Variants in NUP98 observed in about 807,000 individuals in gnomAD.
NUP98 encodes the protein nuclear pore complex protein Nup98-Nup96.
A neutral mutation model predicts 191.9 loss-of-function variants in NUP98; 26 were observed. That is an observed-to-expected ratio of 0.14 (90% CI 0.10 to 0.19). The LOEUF is 0.19. NUP98 is among the 10% of genes least tolerant of loss of function. The pLI, the probability that NUP98 is intolerant of heterozygous loss-of-function variation, is 1.00. For missense variants in NUP98, 1,941 were observed against 2,178.8 expected, an observed-to-expected ratio of 0.89 and a Z score of 2.17; for synonymous variants, 808 against 778.4, an observed-to-expected ratio of 1.04 and a Z score of -0.63.
At chr11:3,783,278 C>T (rs147539989) in intron 1 of NUP98, among the ~76,000 whole-genome samples, 72 of 152,086 alleles carry the variant, frequency 4.7e-4, no homozygotes, top group African/African-American at 1.7e-3. Flanking sequence ...GTCCCAGCTA[C>T]TCTGTTGGCT....
chr11:3,779,734 C>G (rs2081887417), intron 2 of NUP98, among the ~76,000 whole-genome samples: 1 of 151,908 alleles, frequency 6.6e-6, no homozygotes, highest in African/African-American at 2.4e-5. Flanking sequence ...AGAGTAAAAA[C>G]CAAGCCACAG....
At chr11:3,701,859 T>C (rs1213495533) in intron 23 of NUP98, among the ~76,000 whole-genome samples, 1 of 151,950 alleles carries the variant, frequency 6.6e-6, no homozygotes, top group East Asian at 1.9e-4. Flanking sequence ...CTAATTTTTT[T>C]TGTATTTTTA....
chr11:3,759,904 C>T (rs1241587445), intron 10 of NUP98, among the ~76,000 whole-genome samples: 1 of 151,884 alleles, frequency 6.6e-6, no homozygotes, highest in East Asian at 1.9e-4. Context: ...AGTGGCAATT[C>T]ACAAGTGTGA....
chr11:3,735,045 C>T, intron 13 of NUP98, 146 bp downstream of exon 13: 2 of 674,642 alleles, frequency 3.0e-6, no homozygotes, highest in Non-Finnish European at 4.4e-6. Flanking sequence ...ATAATTTACT[C>T]CCGGCTGAGT....
At chr11:3,794,590 G>A (rs1325455410) in intron 1 of NUP98, among the ~76,000 whole-genome samples, 1 of 151,468 alleles carries the variant, frequency 6.6e-6, no homozygotes, top group Non-Finnish European at 1.5e-5. Context: ...GCCTCCCAAA[G>A]TGCTAGGATT....
At chr11:3,720,942 A>G in intron 16 of NUP98, 117 bp from the exon 17 acceptor site, 1 of 585,606 alleles carries the variant, frequency 1.7e-6, no homozygotes. Flanking sequence ...CTACTTTTCT[A>G]CCAAACATGA....
intron 14 of NUP98, among the ~76,000 whole-genome samples, chr11:3,726,680 TA>T (rs1418680029): frequency 9.2e-5 from 14 of 152,076 alleles, no homozygotes; most frequent in African/African-American, 3.1e-4. Context: ...AACTCTTAAA[TA>T]CTTTTTCCCC....
At chr11:3,718,283 C>A (rs1416808535) in intron 18 of NUP98, among the ~76,000 whole-genome samples, 1 of 152,218 alleles carries the variant, frequency 6.6e-6, no homozygotes, top group Middle Eastern at 3.4e-3. Context: ...TGCTTGTAAT[C>A]CCAGCACTTT....
In NUP98 at chr11:3,772,030, T is replaced by TA. The variant is rs773254029; in HGVS notation, c.604-103dup. ...TTAGTATTCAAGTTCTATGTTCACA[T>TA]AGGAACCATAACTAAAAAAGAGAAA... On this transcript the variant is annotated intron_variant, in intron 6 of 32. Transcript: ENST00000324932. 2.6e-3 allele frequency: 2,437 copies of TA among 947,696 alleles called. 7 individuals carry two copies. Among genetic ancestry groups the TA allele is most frequent in the Non-Finnish European group, 3.4e-3 (2,143 of 638,026 alleles). The allele number at this position is 947,696 out of a possible 1,614,324, so 58.7% of individuals were successfully genotyped here. A position where few individuals can be genotyped will look rare whatever the true frequency, so the allele number is the denominator to read the frequency against.
rs192222757 is a variant in NUP98, at chr11:3,745,799, G to A, written c.1268-1150C>T. ...TCAACTGCATCTTGAAACAAATACC[G>A]TTTACCAGGAAAATCACTTCAAAGA... On this transcript the variant is annotated intron_variant, in intron 11 of 32. Coordinates refer to ENST00000324932, the MANE Select transcript of NUP98 (RefSeq NM_016320.5). 1.2e-3 allele frequency among the ~76,000 whole-genome samples: 178 copies of A among 152,032 alleles called. 1 individual carries two copies. Among genetic ancestry groups the A allele is most frequent in the Non-Finnish European group, 2.6e-4 (18 of 67,982 alleles).
At chr11:3,752,031 C>T (rs186222139) in intron 11 of NUP98, among the ~76,000 whole-genome samples, 22 of 150,494 alleles carry the variant, frequency 1.5e-4, no homozygotes, top group Non-Finnish European at 2.4e-4. Context: ...CAAAAATTAG[C>T]TGGGTACGGT....
chr11:3,679,826 T>A, intron 30 of NUP98, 118 bp from the exon 31 acceptor site: 1 of 905,188 alleles, frequency 1.1e-6, no homozygotes, highest in Non-Finnish European at 1.6e-6. Context: ...ACTTCAGAAG[T>A]AAAAGCACAT....
chr11:3,790,418 T>C (rs1046756270), intron 1 of NUP98, among the ~76,000 whole-genome samples: 1 of 152,222 alleles, frequency 6.6e-6, no homozygotes, highest in Non-Finnish European at 1.5e-5. Flanking sequence ...AATATTGTTC[T>C]AGATTAGTGG....
intron 11 of NUP98, among the ~76,000 whole-genome samples, chr11:3,749,233 G>T (rs1158027078): frequency 6.6e-6 from 1 of 151,298 alleles, no homozygotes; most frequent in African/African-American, 2.4e-5. Context: ...GCGTGAACCC[G>T]GGAAGCGGAG....
At chr11:3,707,513 C>G (rs575829695) in intron 20 of NUP98, among the ~76,000 whole-genome samples, 4 of 150,996 alleles carry the variant, frequency 2.6e-5, no homozygotes, top group African/African-American at 9.7e-5. Context: ...TTTGGGAGGC[C>G]GAGGTGGGCA....
At chr11:3,765,591 G>T (rs956277563) in intron 8 of NUP98, among the ~76,000 whole-genome samples, 12 of 151,950 alleles carry the variant, frequency 7.9e-5, no homozygotes, top group African/African-American at 2.9e-4. Flanking sequence ...TTTGAGGTCA[G>T]GTGTTCAAGA....
chr11:3,723,048 T>C lies in NUP98; in HGVS notation c.2146+109A>G, dbSNP rs1030018004. The C allele has an allele frequency of 1.5e-5, 15 of 1,010,834 alleles. No individual in the cohort carries two copies. The African/African-American group carries it at 2.3e-4, about 15-fold the overall frequency. The allele number at this position is 1,010,834 out of a possible 1,614,324, so 62.6% of individuals were successfully genotyped here. A position where few individuals can be genotyped will look rare whatever the true frequency, so the allele number is the denominator to read the frequency against. ...CTCTCCTATGTGGGATCACATAAAA[T>C]AATACTTAAAATGCCAAACAGCTGA... On this transcript the variant is annotated intron_variant, in intron 16 of 32. Transcript: ENST00000324932.
chr11:3,751,876 A>G (rs1359822919), intron 11 of NUP98, among the ~76,000 whole-genome samples: 1 of 151,996 alleles, frequency 6.6e-6, no homozygotes, highest in African/African-American at 2.4e-5. Context: ...AACACCTTTT[A>G]TCTTAAAAAG....
chr11:3,776,443 C>T (rs276888), intron 4 of NUP98, among the ~76,000 whole-genome samples: 131,243 of 151,558 alleles, frequency 0.87, 57,066 homozygotes, highest in East Asian at 0.97. Context: ...TGAAATTTTT[C>T]ACCTTTCAAG....
Sources: allele counts gnomAD v4.1 joint callset (sites outside exome capture counted in the v4.1 genomes callset), GRCh38; gene constraint gnomAD v4.1.1; transcripts MANE v1.5; gene names NCBI Gene and HGNC (gene_info 2026-07-23, HGNC 2026-07-21).